The following KIAA1328 variants were observed in gnomAD, a reference collection of about 807,000 sequenced individuals.
KIAA1328 encodes KIAA1328, also known as protein hinderin.
Under a neutral mutation model 68.1 loss-of-function variants are expected in KIAA1328, and 52 were observed. The ratio of observed to expected loss-of-function variants is 0.76; its 90% CI spans 0.61 to 0.96. KIAA1328 has a LOEUF of 0.96. KIAA1328 is among the 40% of genes least tolerant of loss of function. KIAA1328 has a pLI of 0.00. For missense variants in KIAA1328, 641 were observed against 677.6 expected (o/e 0.95, Z 0.60); for synonymous variants, 232 against 239.4 (o/e 0.97, Z 0.28).
chr18:37,045,231 C>T (rs2055419409), intron 6 of KIAA1328, among the ~76,000 whole-genome samples: 1 of 152,170 alleles, frequency 6.6e-6, no homozygotes, highest in Non-Finnish European at 1.5e-5. Flanking sequence ...CTTCAGTTAA[C>T]TCCTGTATGG....
At chr18:37,003,847 CT>C (rs2053679529) in intron 6 of KIAA1328, among the ~76,000 whole-genome samples, 1 of 151,980 alleles carries the variant, frequency 6.6e-6, no homozygotes, top group Admixed American at 6.6e-5. Context: ...ATACGGTGTT[CT>C]TTCCCCACTT....
chr18:37,083,421 C>A (rs2151806765), intron 7 of KIAA1328, among the ~76,000 whole-genome samples: 1 of 152,298 alleles, frequency 6.6e-6, no homozygotes, highest in Admixed American at 6.5e-5. Context: ...AGTTTGATTT[C>A]ATAGTTAAAG....
intron 6 of KIAA1328, among the ~76,000 whole-genome samples, chr18:37,025,343 G>A (rs140191009): frequency 0.011 from 1,665 of 152,192 alleles, 28 homozygotes; most frequent in African/African-American, 0.038. Context: ...GGATATCCAG[G>A]ACTTGAACTC....
At chr18:36,902,391 A>G (rs1355792543) in intron 5 of KIAA1328, 5 of 152,048 alleles carry the variant, frequency 3.3e-5, no homozygotes, top group Non-Finnish European at 5.9e-5. Context: ...TAACATTTAA[A>G]TGAAAATTTC....
chr18:37,150,587 C>T (rs1356171960), intron 7 of KIAA1328, among the ~76,000 whole-genome samples: 2 of 143,360 alleles, frequency 1.4e-5, no homozygotes, highest in Non-Finnish European at 3.2e-5. Context: ...AAAAAAAAAC[C>T]CCACAAAAAA....
downstream of KIAA1328, among the ~76,000 whole-genome samples, chr18:37,225,828 G>A (rs1183012399): frequency 2.0e-5 from 3 of 152,146 alleles, no homozygotes; most frequent in Non-Finnish European, 4.4e-5. Context: ...AACCCAGGCT[G>A]GCACCTGCAC....
intron 9 of KIAA1328, among the ~76,000 whole-genome samples, chr18:37,183,783 A>T (rs1299543282): frequency 6.6e-6 from 1 of 152,176 alleles, no homozygotes; most frequent in Non-Finnish European, 1.5e-5. Context: ...TCTGTGAGGG[A>T]ACTCTCAGCA....
intron 9 of KIAA1328, among the ~76,000 whole-genome samples, chr18:37,219,621 G>A (rs963025654): frequency 6.6e-6 from 1 of 152,226 alleles, no homozygotes; most frequent in Admixed American, 6.5e-5. Context: ...CGTGGGCATG[G>A]GACCTACTGA....
At chr18:36,975,023 A>C (rs1377369956) in intron 6 of KIAA1328, among the ~76,000 whole-genome samples, 1 of 152,154 alleles carries the variant, frequency 6.6e-6, no homozygotes, top group Non-Finnish European at 1.5e-5. Context: ...GATTTTGCAA[A>C]GTTAGTATCA....
In KIAA1328 at chr18:37,067,470, A is replaced by C. The variant is rs1343149336; in HGVS notation, c.1157A>C (p.His386Pro). Residue 386 changes from histidine (H) to proline (P), a missense_variant, in exon 7 of 10, where the codon CAT becomes CCT. Coordinates refer to ENST00000280020, the MANE Select transcript of KIAA1328 (RefSeq NM_020776.3). The part of the protein sequence containing the change: ...ELEIEKERLQ[H>P]LLAQQETKLL... ...GAAATTGAAAAGGAGCGCCTTCAGCATCTGCTGGCCCAGCAGGAGACAAAG... is the reference window on the plus strand; with the variant it reads ...GAAATTGAAAAGGAGCGCCTTCAGCCTCTGCTGGCCCAGCAGGAGACAAAG... The C allele has an allele frequency of 1.9e-6, 3 of 1,559,934 alleles. No homozygotes were observed. The highest frequency in any genetic ancestry group is 2.6e-6 in the Non-Finnish European group (3 of 1,153,302).
At chr18:36,959,832 A>G (rs2051583902) in intron 6 of KIAA1328, among the ~76,000 whole-genome samples, 1 of 152,222 alleles carries the variant, frequency 6.6e-6, no homozygotes, top group African/African-American at 2.4e-5. Context: ...TTAATTGTGG[A>G]CTTATAAAAA....
At chr18:36,991,027 T>G (rs1201983292) in intron 6 of KIAA1328, among the ~76,000 whole-genome samples, 2 of 152,202 alleles carry the variant, frequency 1.3e-5, no homozygotes, top group Non-Finnish European at 2.9e-5. Flanking sequence ...TTCTTGTCTG[T>G]TCTTCCTATT....
chr18:37,201,067 C>A (rs1272910123), intron 9 of KIAA1328, among the ~76,000 whole-genome samples: 1 of 152,162 alleles, frequency 6.6e-6, no homozygotes, highest in African/African-American at 2.4e-5. Flanking sequence ...CACCCAAAAT[C>A]TAAATTGGGA....
intron 6 of KIAA1328, among the ~76,000 whole-genome samples, chr18:37,041,670 GTGTGTGTA>G (rs1413174498): frequency 2.9e-5 from 3 of 105,088 alleles, no homozygotes; most frequent in Admixed American, 2.0e-4. Context: ...GTGTGTGTGT[GTGTGTGTA>G]TACACATTTT....
At position 37,133,338 on chromosome 18, in the gene KIAA1328, A is replaced by G. The variant is rs188037070; in HGVS notation, c.1233-26862A>G. 3.3e-3 allele frequency among the ~76,000 whole-genome samples: 494 copies of G among 151,792 alleles called. 3 individuals carry two copies. The highest frequency in any genetic ancestry group is 0.02 in the Middle Eastern group (6 of 294). ...TAAGAAAAAAAAAAAAAAACTACCAATGGAGAAAATAGTGGCTGTAGGTGT... is the reference window on the plus strand; with the variant it reads ...TAAGAAAAAAAAAAAAAAACTACCAGTGGAGAAAATAGTGGCTGTAGGTGT... On this transcript the variant is annotated intron_variant, in intron 7 of 9. Transcript: ENST00000280020.
intron 5 of KIAA1328, chr18:36,946,421 T>C (rs1249504608): frequency 6.6e-6 from 1 of 152,206 alleles, no homozygotes; most frequent in African/African-American, 2.4e-5. Flanking sequence ...ACCGTAAGTA[T>C]GTTCCCTGGA....
At chr18:37,227,369 G>A (rs1040346900), downstream of KIAA1328, among the ~76,000 whole-genome samples, 1 of 152,242 alleles carries the variant, frequency 6.6e-6, no homozygotes, top group African/African-American at 2.4e-5. Flanking sequence ...TCTATTGGAA[G>A]AAGATGCCAT....
intron 5 of KIAA1328, among the ~76,000 whole-genome samples, chr18:36,934,681 C>T (rs894235728): frequency 7.2e-5 from 11 of 152,146 alleles, no homozygotes; most frequent in Non-Finnish European, 4.4e-5. Flanking sequence ...GCCATCGTCT[C>T]CCTCTCCTCT....
intron 9 of KIAA1328, among the ~76,000 whole-genome samples, chr18:37,215,546 T>G (rs2060413101): frequency 6.6e-6 from 1 of 152,240 alleles, no homozygotes; most frequent in South Asian, 2.1e-4. Context: ...TGGATTTGGT[T>G]TGCCAGTATT....
Sources: allele counts gnomAD v4.1 joint callset (sites outside exome capture counted in the v4.1 genomes callset), GRCh38; gene constraint gnomAD v4.1.1; transcripts MANE v1.5; gene names NCBI Gene and HGNC (gene_info 2026-07-23, HGNC 2026-07-21).